Variants in RASGRF2 observed in about 807,000 individuals in gnomAD.
The protein encoded by RASGRF2 is Ras protein specific guanine nucleotide releasing factor 2.
Under a neutral mutation model 151.0 loss-of-function variants are expected in RASGRF2, and 76 were observed. The ratio of observed to expected loss-of-function variants is 0.50; its 90% CI spans 0.42 to 0.61. RASGRF2 has a LOEUF of 0.61. Among genes scored for constraint, RASGRF2 ranks in the 20% least tolerant of loss-of-function variants. RASGRF2 has a pLI of 0.00. For missense variants in RASGRF2, 1,148 were observed against 1,564.6 expected (o/e 0.73, Z 4.49); for synonymous variants, 504 against 566.5 (o/e 0.89, Z 1.57).
At chr5:80,988,495 T>C (rs1748547606) in intron 1 of RASGRF2, among the ~76,000 whole-genome samples, 1 of 152,220 alleles carries the variant, frequency 6.6e-6, no homozygotes, top group Non-Finnish European at 1.5e-5. Flanking sequence ...CATTGTTATG[T>C]GTTTAAAGTC....
chr5:81,009,859 T>C (rs368752499), intron 1 of RASGRF2, among the ~76,000 whole-genome samples: 46 of 152,270 alleles, frequency 3.0e-4, no homozygotes, highest in African/African-American at 1.0e-3. Context: ...AAAATGGTTT[T>C]AGAAAATAGA....
chr5:81,106,394 C>T (rs1389632785), intron 12 of RASGRF2, among the ~76,000 whole-genome samples: 1 of 152,132 alleles, frequency 6.6e-6, no homozygotes, highest in Non-Finnish European at 1.5e-5. Flanking sequence ...ATTCTCCCCT[C>T]GTTTCCATTG....
intron 2 of RASGRF2, among the ~76,000 whole-genome samples, chr5:81,062,666 G>GT (rs765005067): frequency 2.0e-5 from 3 of 152,160 alleles, no homozygotes; most frequent in Non-Finnish European, 4.4e-5. Flanking sequence ...ATCAAGGTTG[G>GT]TGTTTGGTCC....
chr5:81,201,549 T>C (rs1232872915), intron 19 of RASGRF2, 107 bp downstream of exon 19: 8 of 1,226,224 alleles, frequency 6.5e-6, no homozygotes, highest in African/African-American at 1.5e-5. Flanking sequence ...GTGGGGACTA[T>C]GTTCTCAGCA....
chr5:80,983,892 T>C (rs1748391916), intron 1 of RASGRF2, among the ~76,000 whole-genome samples: 1 of 152,228 alleles, frequency 6.6e-6, no homozygotes, highest in Admixed American at 6.5e-5. Flanking sequence ...TTACTTCTTT[T>C]TCATGTGGCC....
At chr5:81,116,231 C>T (rs1753153562) in intron 15 of RASGRF2, among the ~76,000 whole-genome samples, 1 of 151,716 alleles carries the variant, frequency 6.6e-6, no homozygotes, top group Non-Finnish European at 1.5e-5. Context: ...TACAGGCACG[C>T]ACCATCATGC....
At chr5:81,095,747 T>A (rs1752530368) in intron 12 of RASGRF2, among the ~76,000 whole-genome samples, 1 of 152,194 alleles carries the variant, frequency 6.6e-6, no homozygotes, top group South Asian at 2.1e-4. Context: ...GTAGTTTTCA[T>A]GCTTTTTTTT....
chr5:81,015,581 G>A (rs1214079109), intron 1 of RASGRF2, among the ~76,000 whole-genome samples: 3 of 151,812 alleles, frequency 2.0e-5, no homozygotes, highest in Non-Finnish European at 2.9e-5. Context: ...TGAATATTCT[G>A]TTCCTTTGCC....
chr5:81,121,281 C>T (rs1013598602), intron 15 of RASGRF2, among the ~76,000 whole-genome samples: 11 of 152,126 alleles, frequency 7.2e-5, no homozygotes, highest in African/African-American at 2.2e-4. Context: ...ATATGAATCC[C>T]GTGCCAAGAA....
At chr5:81,013,519 T>A (rs963459972) in intron 1 of RASGRF2, among the ~76,000 whole-genome samples, 2 of 152,152 alleles carry the variant, frequency 1.3e-5, no homozygotes, top group African/African-American at 4.8e-5. Flanking sequence ...CATGCACAAT[T>A]CCCTTCTTTC....
intron 15 of RASGRF2, among the ~76,000 whole-genome samples, chr5:81,116,738 G>A (rs1753170380): frequency 6.6e-6 from 1 of 152,100 alleles, no homozygotes; most frequent in African/African-American, 2.4e-5. Context: ...TGTCTCTACA[G>A]ATTTGACTGC....
chr5:81,216,384 C>T (rs1303665179), intron 24 of RASGRF2, among the ~76,000 whole-genome samples: 1 of 148,362 alleles, frequency 6.7e-6, no homozygotes, highest in East Asian at 1.9e-4. Context: ...CACACACACA[C>T]AAACACACAC....
intron 17 of RASGRF2, among the ~76,000 whole-genome samples, chr5:81,138,734 G>C (rs78971798): frequency 6.6e-6 from 1 of 151,524 alleles, no homozygotes; most frequent in Non-Finnish European, 1.5e-5. Flanking sequence ...TCAGCTCCAG[G>C]TAGGCAGATC....
At chr5:81,011,470 G>A (rs569975172) in intron 1 of RASGRF2, among the ~76,000 whole-genome samples, 7 of 152,240 alleles carry the variant, frequency 4.6e-5, no homozygotes, top group South Asian at 2.1e-4. Context: ...GGCCCGGCAC[G>A]GTGGCTCATG....
chr5:81,054,489 CTG>C (rs1751131254), intron 2 of RASGRF2, among the ~76,000 whole-genome samples: 1 of 126,486 alleles, frequency 7.9e-6, no homozygotes, highest in African/African-American at 3.1e-5. Flanking sequence ...GTCTATATCT[CTG>C]TTTTGGTACC....
At chr5:81,168,340 T>C (rs1301252888) in intron 17 of RASGRF2, among the ~76,000 whole-genome samples, 1 of 146,478 alleles carries the variant, frequency 6.8e-6, no homozygotes, top group Non-Finnish European at 1.5e-5. Context: ...AGACAGAGTC[T>C]GGCTCTGTCG....
At chr5:81,087,022 C>G (rs1383407421) in intron 9 of RASGRF2, 69 bp downstream of exon 9, 31 of 1,400,340 alleles carry the variant, frequency 2.2e-5, no homozygotes, top group Non-Finnish European at 1.6e-5. Context: ...CGGCACACCC[C>G]GGAAGGCGTT....
At chr5:81,192,156 CA>C (rs925210108) in intron 18 of RASGRF2, among the ~76,000 whole-genome samples, 2 of 152,196 alleles carry the variant, frequency 1.3e-5, no homozygotes, top group Non-Finnish European at 2.9e-5. Context: ...GAGCAAGGCA[CA>C]GAGCTTACCA....
chr5:81,041,091 C>T (rs935568656), intron 1 of RASGRF2, among the ~76,000 whole-genome samples: 1 of 152,076 alleles, frequency 6.6e-6, no homozygotes, highest in Non-Finnish European at 1.5e-5. Context: ...ATCACCAGGT[C>T]AGAAGTTCGA....
Sources: gnomAD v4.1 joint callset for allele counts (sites outside exome capture counted in the v4.1 genomes callset) on GRCh38, gnomAD v4.1.1 for gene constraint, MANE v1.5 for transcripts, NCBI Gene and HGNC (gene_info 2026-07-23, HGNC 2026-07-21) for gene names.